Variants in GTSF1 observed in about 807,000 individuals in gnomAD.
The protein encoded by GTSF1 is gametocyte specific factor 1.
GTSF1 carries 11 observed loss-of-function variants against 28.9 expected under a neutral mutation model. That is an observed-to-expected ratio of 0.38 (90% CI 0.24 to 0.63). The LOEUF is 0.63. Ranked by LOEUF, GTSF1 falls within the 30% of genes least tolerant of loss-of-function variation. The probability of loss-of-function intolerance (pLI) is 0.56; values close to 1 mark genes in which losing one functional copy is unlikely to be tolerated. For missense variants in GTSF1, 146 were observed against 201.0 expected, an observed-to-expected ratio of 0.73 and a Z score of 1.66; for synonymous variants, 69 against 65.6, an observed-to-expected ratio of 1.05 and a Z score of -0.25.
chr12:54,466,676 T>G (rs1481670715), intron 2 of GTSF1, among the ~76,000 whole-genome samples: 1 of 152,154 alleles, frequency 6.6e-6, no homozygotes, highest in Non-Finnish European at 1.5e-5. Context: ...TTCATATATA[T>G]TATACTGCCC....
At chr12:54,456,774 C>T (rs1304679022) in intron 8 of GTSF1, among the ~76,000 whole-genome samples, 1 of 152,104 alleles carries the variant, frequency 6.6e-6, no homozygotes, top group East Asian at 1.9e-4. Context: ...GAGAATTCTA[C>T]AACAACAGGC....
rs755484185 is a variant in GTSF1, at chr12:54,471,237, A to G, written c.12T>C (p.Thr4=). ...AAAGCAACAAGGAGTACATACTGTA[A>G]GTTTCTTCCATGTTGGAAATGAAGA... MEE[T]YTDSLDPEKL... is the part of the protein sequence containing the mutation. Residue 4 remains threonine (T), a synonymous_variant, in exon 2 of 9, where the codon ACT becomes ACC. Transcript: ENST00000305879. 1.9e-5 allele frequency: 31 copies of G among 1,593,768 alleles called. No homozygotes were observed. The highest frequency in any genetic ancestry group is 2.0e-5 in the Non-Finnish European group (24 of 1,172,002).
chr12:54,467,228 T>C (rs922411065), intron 2 of GTSF1, among the ~76,000 whole-genome samples: 2 of 152,348 alleles, frequency 1.3e-5, no homozygotes. Flanking sequence ...CTTTTGCTTT[T>C]TGTGACTAGC....
intron 7 of GTSF1, chr12:54,459,528 T>C: frequency 9.4e-7 from 1 of 1,059,848 alleles, no homozygotes; most frequent in South Asian, 1.4e-5. Context: ...TATGTGGAAA[T>C]TTCATTATGA....
At chr12:54,458,731 C>A (rs1210466922) in intron 8 of GTSF1, among the ~76,000 whole-genome samples, 1 of 151,314 alleles carries the variant, frequency 6.6e-6, no homozygotes, top group Non-Finnish European at 1.5e-5. Flanking sequence ...GAGTATTAAA[C>A]TGTACTGCAC....
chr12:54,467,644 C>CT (rs1956539788), intron 2 of GTSF1, among the ~76,000 whole-genome samples: 1 of 151,384 alleles, frequency 6.6e-6, no homozygotes, highest in Non-Finnish European at 1.5e-5. Flanking sequence ...TTGCAATTTG[C>CT]TTTTTTTTCT....
chr12:54,460,774 A>G (rs1252677021), intron 6 of GTSF1, among the ~76,000 whole-genome samples: 1 of 152,208 alleles, frequency 6.6e-6, no homozygotes, highest in East Asian at 1.9e-4. Context: ...AACTCACTCA[A>G]TAAACGTAAG....
chr12:54,472,889 G>A (rs963424089), intron 1 of GTSF1, among the ~76,000 whole-genome samples: 5 of 152,168 alleles, frequency 3.3e-5, no homozygotes, highest in Non-Finnish European at 7.4e-5. Context: ...CTTATACATA[G>A]TTACTTCATA....
At chr12:54,459,479 T>C (rs1956386884) in intron 7 of GTSF1, 1 of 1,299,708 alleles carries the variant, frequency 7.7e-7, no homozygotes, top group Non-Finnish European at 1.0e-6. Flanking sequence ...GAAAAGAAAG[T>C]TTGTATTAAG....
rs148214508 is a variant in GTSF1 at position 54,456,111 on chromosome 12, C to A, written c.*63G>T. 6.6e-6 allele frequency: 1 copy of A among 152,510 alleles called. No homozygotes were observed. The highest frequency in any genetic ancestry group is 6.6e-5 in the Admixed American group (1 of 15,260). 9.4% of individuals were successfully genotyped at this position (152,510 alleles called of 1,614,324 possible). ...ATTAGATTAGGAGGAAAATGAGAAC[C>A]CACTGGTAGAAGAAGAAGCAACAGT... On this transcript the variant is annotated 3_prime_UTR_variant, in exon 9 of 9. Coordinates refer to ENST00000305879, the MANE Select transcript of GTSF1 (RefSeq NM_144594.3).
intron 8 of GTSF1, among the ~76,000 whole-genome samples, chr12:54,457,837 T>C (rs1956358755): frequency 6.6e-6 from 1 of 152,220 alleles, no homozygotes; most frequent in South Asian, 2.1e-4. Context: ...TTCAAATGTA[T>C]TTAACAATTT....
intron 5 of GTSF1, 43 bp downstream of exon 5, chr12:54,462,599 G>T: frequency 6.8e-7 from 1 of 1,477,170 alleles, no homozygotes; most frequent in South Asian, 1.2e-5. Context: ...CAAATGACTT[G>T]AGATTTAGAC....
chr12:54,459,387 T>A, intron 7 of GTSF1: 1 of 1,392,870 alleles, frequency 7.2e-7, no homozygotes, highest in Non-Finnish European at 9.4e-7. Flanking sequence ...CGTTTTAAAG[T>A]GAATCCTCTA....
In GTSF1 at chr12:54,459,975, C is replaced by T. The variant is rs1956398192; in HGVS notation, c.487+402G>A. Among the ~76,000 whole-genome samples, 2 of 151,326 alleles carry T rather than the reference C, an allele frequency of 1.3e-5. 1 individual carries two copies. The highest frequency in any genetic ancestry group is 4.2e-4 in the South Asian group (2 of 4,786). ...TCTCCTGACCTCGTGATCCGCCCGC[C>T]TCGGCCTCCCAAAGTGCTGGGATTA... On this transcript the variant is annotated intron_variant, in intron 7 of 8. Transcript: ENST00000305879.
chr12:54,461,388 A>G lies in GTSF1; in HGVS notation c.392+721T>C, dbSNP rs75683233. Among the ~76,000 whole-genome samples, 32 of 152,088 alleles carry G rather than the reference A, an allele frequency of 2.1e-4. No individual in the cohort carries two copies. In the East Asian group the frequency reaches 6.2e-3, roughly 29 times the overall value. ...ATGAGCTACTCTGTGCCTGGCCAGA[A>G]ATCATCTAGTTTTCAATTAGAGCTG... On this transcript the variant is annotated intron_variant, in intron 6 of 8. Coordinates refer to ENST00000305879, the MANE Select transcript of GTSF1 (RefSeq NM_144594.3).
rs1956590530 is a variant in GTSF1 at position 54,471,260 on chromosome 12, A to AG, written c.-13dup. ...TAAGTTTCTTCCATGTTGGAAATGA[A>AG]GAAGCTGAATCCAAGTGCTGGAAAA... On this transcript the variant is annotated 5_prime_UTR_variant, in exon 2 of 9. Coordinates refer to ENST00000305879, the MANE Select transcript of GTSF1 (RefSeq NM_144594.3). 1 of 1,592,546 alleles carries AG rather than the reference A, an allele frequency of 6.3e-7. No individual in the cohort carries two copies. Among genetic ancestry groups the AG allele is most frequent in the Non-Finnish European group, 8.5e-7 (1 of 1,171,688 alleles).
intron 2 of GTSF1, among the ~76,000 whole-genome samples, chr12:54,466,466 A>G (rs1303573230): frequency 2.0e-5 from 3 of 152,194 alleles, no homozygotes; most frequent in Admixed American, 2.0e-4. Context: ...ATAGGAAGGA[A>G]AAGTCTTAAA....
intron 2 of GTSF1, chr12:54,467,051 T>C (rs947427771): frequency 8.2e-6 from 1 of 122,004 alleles, no homozygotes; most frequent in African/African-American, 3.5e-5. Context: ...ATATATTCCT[T>C]ATTGTTGTGC....
At chr12:54,468,139 CTTTTT>C (rs1467559552) in intron 2 of GTSF1, among the ~76,000 whole-genome samples, 1 of 151,776 alleles carries the variant, frequency 6.6e-6, no homozygotes, top group African/African-American at 2.4e-5. Flanking sequence ...TATTTCTTTT[CTTTTT>C]TGAGACAGGG....
Sources: allele counts gnomAD v4.1 joint callset (sites outside exome capture counted in the v4.1 genomes callset), GRCh38; gene constraint gnomAD v4.1.1; transcripts MANE v1.5; gene names NCBI Gene and HGNC (gene_info 2026-07-23, HGNC 2026-07-21).